IL21R: variants seen among roughly 807,000 people sequenced by gnomAD.
IL21R encodes the protein interleukin-21 receptor.
In IL21R, 14 loss-of-function variants were observed where a neutral mutation model predicts 41.3. The ratio of observed to expected loss-of-function variants is 0.34; its 90% CI spans 0.22 to 0.53. IL21R has a LOEUF of 0.53. IL21R is among the 20% of genes least tolerant of loss of function. IL21R has a pLI of 0.94. For synonymous variants in IL21R, 286 were observed against 287.6 expected (o/e 0.99, Z 0.05); for missense variants, 588 against 681.6 (o/e 0.86, Z 1.53).
At chr16:27,424,545 G>T (rs990515071) in intron 1 of IL21R, among the ~76,000 whole-genome samples, 10 of 151,436 alleles carry the variant, frequency 6.6e-5, no homozygotes, top group Admixed American at 4.6e-4. Flanking sequence ...GCACCTACAG[G>T]ACTTCAAATT....
At chr16:27,422,501 G>T (rs924147804) in intron 1 of IL21R, among the ~76,000 whole-genome samples, 2 of 151,760 alleles carry the variant, frequency 1.3e-5, no homozygotes, top group African/African-American at 4.8e-5. Flanking sequence ...TTCAATCTTG[G>T]TATTTTCTAT....
In IL21R at chr16:27,449,487, G is replaced by A. The variant is rs1010334559; in HGVS notation, c.*204G>A. The A allele has an allele frequency of 6.0e-5, 36 of 600,720 alleles. No homozygotes were observed. The highest frequency in any genetic ancestry group is 6.1e-5 in the Non-Finnish European group (21 of 344,626). 37.2% of individuals were successfully genotyped at this position (600,720 alleles called of 1,614,324 possible). A position where few individuals can be genotyped will look rare whatever the true frequency, so the allele number is the denominator to read the frequency against. ...GTGTGTGTGTGTGTGTCTTAGGTGC[G>A]CAGTGGCATGTCCACGTGTGTGTGT... On this transcript the variant is annotated 3_prime_UTR_variant, in exon 9 of 9. Transcript: ENST00000337929.
chr16:27,427,860 A>G (rs930229168), intron 1 of IL21R, among the ~76,000 whole-genome samples: 1 of 152,172 alleles, frequency 6.6e-6, no homozygotes, highest in Non-Finnish European at 1.5e-5. Flanking sequence ...CACAGGATTC[A>G]TATTCCTAAA....
chr16:27,404,919 C>G (rs2086714949), intron 1 of IL21R, among the ~76,000 whole-genome samples: 1 of 152,142 alleles, frequency 6.6e-6, no homozygotes, highest in Non-Finnish European at 1.5e-5. Context: ...CCAGGCACCT[C>G]CCTAGGTCCT....
chr16:27,407,039 T>G (rs1168225267), intron 1 of IL21R, among the ~76,000 whole-genome samples: 1 of 152,216 alleles, frequency 6.6e-6, no homozygotes, highest in Non-Finnish European at 1.5e-5. Flanking sequence ...CAGAAGATGT[T>G]GCCTGAGGTG....
intron 1 of IL21R, among the ~76,000 whole-genome samples, chr16:27,406,243 T>C (rs2086744754): frequency 6.6e-6 from 1 of 152,208 alleles, no homozygotes; most frequent in Non-Finnish European, 1.5e-5. Context: ...GTTCAAAGCC[T>C]CCTTTCACTG....
Position 27,422,217 on chromosome 16 carries a change from TC to T in IL21R, c.-16-7838del, listed in dbSNP as rs2087010435. Among the ~76,000 whole-genome samples the T allele has an allele frequency of 2.0e-5, 3 of 152,196 alleles. No individual in the cohort carries two copies. The South Asian group carries it at 6.2e-4, about 32-fold the overall frequency. On this transcript the variant is annotated intron_variant, in intron 1 of 8. Coordinates refer to ENST00000337929, the MANE Select transcript of IL21R (RefSeq NM_181078.3). The stretch of plus-strand genomic sequence containing the variant: ...TTTTTCTGCATACTGCATATCTTTG[TC>T]TTTTATTTTTTAAAATAGTTTTTCT...
intron 1 of IL21R, among the ~76,000 whole-genome samples, chr16:27,405,326 A>G (rs179773): frequency 0.89 from 135,621 of 152,204 alleles, 61,197 homozygotes; most frequent in East Asian, 1. Context: ...AGCCACCGTG[A>G]CCGGCCTATG....
intron 8 of IL21R, 28 bp from the exon 9 acceptor site, chr16:27,448,506 T>C: frequency 1.9e-6 from 3 of 1,569,012 alleles, no homozygotes; most frequent in Non-Finnish European, 1.7e-6. Context: ...CATCCTGTGC[T>C]ATGACTCTCT....
chr16:27,404,205 G>A (rs1189925043), intron 1 of IL21R, among the ~76,000 whole-genome samples: 7 of 152,154 alleles, frequency 4.6e-5, no homozygotes, highest in Non-Finnish European at 1.5e-5. Context: ...CCGCTCCTCT[G>A]CCAGGAGGGT....
chr16:27,439,910 TACCC>T (rs1301850582), intron 4 of IL21R, among the ~76,000 whole-genome samples: 1 of 152,022 alleles, frequency 6.6e-6, no homozygotes. Context: ...ATCTCCCGAG[TACCC>T]ACGGGGCAGT....
Position 27,450,278 on chromosome 16 carries a change from C to T in IL21R, c.*995C>T. 4.3e-6 allele frequency: 1 copy of T among 232,334 alleles called. No homozygotes were observed. Among genetic ancestry groups the T allele is most frequent in the Non-Finnish European group, 8.5e-6 (1 of 117,478 alleles). The allele number at this position is 232,334 out of a possible 1,614,324, so 14.4% of individuals were successfully genotyped here. On this transcript the variant is annotated 3_prime_UTR_variant, in exon 9 of 9. Coordinates refer to ENST00000337929, the MANE Select transcript of IL21R (RefSeq NM_181078.3). Reference sequence around the variant, plus strand: ...TCTGCTACTAAGTTTTTAAAAATTCCCTTTATGCACCCAAGAGATATTTAT... The same window carrying T: ...TCTGCTACTAAGTTTTTAAAAATTCTCTTTATGCACCCAAGAGATATTTAT...
In IL21R at chr16:27,442,201, T is replaced by A. The variant is rs568403711; in HGVS notation, c.353-761T>A. The stretch of plus-strand genomic sequence containing the variant: ...TGTGTGTTGCATGTGTAGGCATGCG[T>A]TTGGGTGTGCATGTGTGGGCATGCA... On this transcript the variant is annotated intron_variant, in intron 4 of 8. Coordinates refer to ENST00000337929, the MANE Select transcript of IL21R (RefSeq NM_181078.3). 2.8e-4 allele frequency among the ~76,000 whole-genome samples: 43 copies of A among 152,038 alleles called. No individual in the cohort carries two copies. In the South Asian group the frequency reaches 9.0e-3, roughly 32 times the overall value.
At chr16:27,437,432 C>T in intron 3 of IL21R, 56 bp from the exon 4 acceptor site, 1 of 1,449,904 alleles carries the variant, frequency 6.9e-7, no homozygotes. Context: ...ACTGAGCCCA[C>T]CACCATCCCC....
chr16:27,444,789 C>T (rs2141310284), intron 6 of IL21R, 70 bp downstream of exon 6: 1 of 1,383,360 alleles, frequency 7.2e-7, no homozygotes, highest in Non-Finnish European at 9.7e-7. Flanking sequence ...CCACCCTAAG[C>T]CCTGAGCTTT....
chr16:27,427,306 G>A (rs1044603991), intron 1 of IL21R: 18 of 985,482 alleles, frequency 1.8e-5, no homozygotes, highest in Middle Eastern at 5.2e-4. Flanking sequence ...ACGCCGGGCA[G>A]GCAGAAGCAG....
Position 27,450,348 on chromosome 16 carries a change from C to T in IL21R, c.*1065C>T, listed in dbSNP as rs1036075026. ...AGGCCATGGCTCATGGGACCCACCC[C>T]CCGTGGCACTCATGGAGGGGGCTGC... On this transcript the variant is annotated 3_prime_UTR_variant, in exon 9 of 9. Coordinates refer to ENST00000337929, the MANE Select transcript of IL21R (RefSeq NM_181078.3). 1.3e-5 allele frequency: 3 copies of T among 231,742 alleles called. No individual in the cohort carries two copies. Among genetic ancestry groups the T allele is most frequent in the African/African-American group, 2.2e-5 (1 of 45,232 alleles). The allele number at this position is 231,742 out of a possible 1,614,324, so 14.4% of individuals were successfully genotyped here. A position where few individuals can be genotyped will look rare whatever the true frequency, so the allele number is the denominator to read the frequency against.
At chr16:27,409,760 T>C (rs2086799352) in intron 1 of IL21R, among the ~76,000 whole-genome samples, 1 of 152,214 alleles carries the variant, frequency 6.6e-6, no homozygotes, top group Admixed American at 6.5e-5. Context: ...CTAAATTACT[T>C]TATAAATCTT....
At chr16:27,410,872 A>G (rs1379226506) in intron 1 of IL21R, among the ~76,000 whole-genome samples, 1 of 152,194 alleles carries the variant, frequency 6.6e-6, no homozygotes, top group Non-Finnish European at 1.5e-5. Context: ...TTCTGTTTCT[A>G]TGAGATTGAT....
Sources: gnomAD v4.1 joint callset for allele counts (sites outside exome capture counted in the v4.1 genomes callset) on GRCh38, gnomAD v4.1.1 for gene constraint, MANE v1.5 for transcripts, NCBI Gene and HGNC (gene_info 2026-07-23, HGNC 2026-07-21) for gene names.